The following NTM variants were observed in gnomAD, a reference collection of about 807,000 sequenced individuals.
NTM encodes the protein neurotrimin.
NTM carries 13 observed loss-of-function variants against 42.1 expected under a neutral mutation model. That is an observed-to-expected ratio of 0.31 (90% CI 0.20 to 0.49). The LOEUF (loss-of-function observed/expected upper bound fraction) is 0.49, where lower values mean the gene tolerates loss of function less well. Among genes scored for constraint, NTM ranks in the 20% least tolerant of loss-of-function variants. The pLI is 0.99. For synonymous variants in NTM, 187 were observed against 179.2 expected, an observed-to-expected ratio of 1.04 and a Z score of -0.35; for missense variants, 373 against 452.8, an observed-to-expected ratio of 0.82 and a Z score of 1.60.
intron 4 of NTM, among the ~76,000 whole-genome samples, chr11:132,241,507 TG>T (rs1372838474): frequency 1.3e-5 from 2 of 152,168 alleles, no homozygotes; most frequent in Non-Finnish European, 2.9e-5. Context: ...AATCAACTAA[TG>T]GGATATTTTC....
At chr11:132,278,761 C>CTA (rs1219936199) in intron 4 of NTM, among the ~76,000 whole-genome samples, 2 of 71,988 alleles carry the variant, frequency 2.8e-5, no homozygotes, top group African/African-American at 9.6e-5. Flanking sequence ...CTCTCTCTCT[C>CTA]TCTCTCTCTC....
intron 1 of NTM, among the ~76,000 whole-genome samples, chr11:131,722,559 A>G (rs1162678235): frequency 6.6e-6 from 1 of 152,218 alleles, no homozygotes; most frequent in Non-Finnish European, 1.5e-5. Flanking sequence ...AGTTTAATCC[A>G]CTGATGAGAG....
At chr11:131,433,873 G>T (rs1948891590) in intron 1 of NTM, among the ~76,000 whole-genome samples, 1 of 152,168 alleles carries the variant, frequency 6.6e-6, no homozygotes, top group Non-Finnish European at 1.5e-5. Context: ...AGGTATACAC[G>T]TGCCATGTTG....
chr11:131,914,660 G>A (rs1356178699), intron 2 of NTM, among the ~76,000 whole-genome samples: 1 of 152,182 alleles, frequency 6.6e-6, no homozygotes, highest in Non-Finnish European at 1.5e-5. Context: ...ATTGGGAAAT[G>A]TTTCAATTAG....
chr11:131,424,595 C>CTTTTTTTTTTTTTTTTATTTTT (rs1446801058), intron 1 of NTM, among the ~76,000 whole-genome samples: 1 of 39,616 alleles, frequency 2.5e-5, no homozygotes, highest in South Asian at 7.4e-4. Flanking sequence ...TATTTCTTTT[C>CTTTTTTTTTTTTTTTTATTTTT]TTTTCTTTTT....
At chr11:131,680,471 G>C (rs12418455) in intron 1 of NTM, among the ~76,000 whole-genome samples, 12,508 of 120,534 alleles carry the variant, frequency 0.1, no homozygotes, top group South Asian at 0.13. Context: ...GTGAGTGCCT[G>C]TGTGTGTGCA....
chr11:131,966,024 C>T (rs1314306416), intron 2 of NTM, among the ~76,000 whole-genome samples: 1 of 151,688 alleles, frequency 6.6e-6, no homozygotes, highest in Non-Finnish European at 1.5e-5. Flanking sequence ...TGTGCTGAAT[C>T]CAGAAAAACA....
At chr11:132,109,218 G>A (rs1357216107) in intron 2 of NTM, among the ~76,000 whole-genome samples, 1 of 152,080 alleles carries the variant, frequency 6.6e-6, no homozygotes, top group Non-Finnish European at 1.5e-5. Flanking sequence ...TATATACCCA[G>A]TAATGGGATT....
At chr11:131,727,188 G>A (rs1160495979) in intron 1 of NTM, among the ~76,000 whole-genome samples, 2 of 145,502 alleles carry the variant, frequency 1.4e-5, no homozygotes, top group East Asian at 3.8e-4. Context: ...AGTTCTGTTA[G>A]GAAGACAAAT....
At chr11:132,317,752 C>A in intron 7 of NTM, 1 of 999,342 alleles carries the variant, frequency 1.0e-6, no homozygotes, top group South Asian at 1.3e-5. Context: ...GGCCCCCTTC[C>A]CCTGCTGTGC....
intron 1 of NTM, among the ~76,000 whole-genome samples, chr11:131,875,404 T>G (rs1175665150): frequency 6.6e-6 from 1 of 152,246 alleles, no homozygotes; most frequent in Non-Finnish European, 1.5e-5. Flanking sequence ...TTTAATATGG[T>G]AGGCTCTGAA....
chr11:132,056,261 GGA>G (rs1177553349), intron 2 of NTM, among the ~76,000 whole-genome samples: 1 of 151,964 alleles, frequency 6.6e-6, no homozygotes, highest in African/African-American at 2.4e-5. Flanking sequence ...GGTGAAGGGA[GGA>G]GAGAGAGAGA....
chr11:131,678,070 G>A (rs1379425979), intron 1 of NTM, among the ~76,000 whole-genome samples: 1 of 152,228 alleles, frequency 6.6e-6, no homozygotes, highest in African/African-American at 2.4e-5. Context: ...ATGAAGTGAA[G>A]AGGCTGGAGA....
intron 1 of NTM, among the ~76,000 whole-genome samples, chr11:131,568,703 C>T (rs1350105903): frequency 1.3e-5 from 2 of 152,170 alleles, no homozygotes; most frequent in Non-Finnish European, 2.9e-5. Context: ...TAGGTCCACT[C>T]ACCTCTCTGA....
At chr11:132,167,976 C>A (rs979203425) in intron 3 of NTM, among the ~76,000 whole-genome samples, 1 of 152,188 alleles carries the variant, frequency 6.6e-6, no homozygotes, top group Non-Finnish European at 1.5e-5. Context: ...GTAGAGAGTG[C>A]AGTGTGGAGA....
intron 2 of NTM, among the ~76,000 whole-genome samples, chr11:132,082,170 G>A (rs1235886836): frequency 6.6e-6 from 1 of 151,994 alleles, no homozygotes; most frequent in African/African-American, 2.4e-5. Context: ...GATGGTCCTG[G>A]GAATGATGCA....
intron 1 of NTM, among the ~76,000 whole-genome samples, chr11:131,376,931 A>G (rs1942049359): frequency 6.6e-6 from 1 of 152,190 alleles, no homozygotes; most frequent in African/African-American, 2.4e-5. Flanking sequence ...TGCTGGAGAT[A>G]AAACAGCGAT....
At chr11:131,798,415 C>T (rs574658804) in intron 1 of NTM, among the ~76,000 whole-genome samples, 1 of 152,312 alleles carries the variant, frequency 6.6e-6, no homozygotes, top group African/African-American at 2.4e-5. Flanking sequence ...CCTCCCGTGG[C>T]CTCGCTTCCC....
At chr11:131,560,526 T>C (rs1666296252) in intron 1 of NTM, among the ~76,000 whole-genome samples, 1 of 152,182 alleles carries the variant, frequency 6.6e-6, no homozygotes, top group Admixed American at 6.5e-5. Flanking sequence ...TAGATTCTTG[T>C]CCAGTGCTCT....
Sources: gnomAD v4.1 joint callset for allele counts (sites outside exome capture counted in the v4.1 genomes callset) on GRCh38, gnomAD v4.1.1 for gene constraint, MANE v1.5 for transcripts, NCBI Gene and HGNC (gene_info 2026-07-23, HGNC 2026-07-21) for gene names.